The following KDM3B variants were observed in gnomAD, a reference collection of about 807,000 sequenced individuals.
The protein encoded by KDM3B is lysine demethylase 3B, also known as lysine-specific demethylase 3B.
A neutral mutation model predicts 170.0 loss-of-function variants in KDM3B; 10 were observed. That is an observed-to-expected ratio of 0.06 (90% CI 0.04 to 0.10). The LOEUF (loss-of-function observed/expected upper bound fraction) is 0.10, where lower values mean the gene tolerates loss of function less well. Among genes scored for constraint, KDM3B ranks in the 10% least tolerant of loss-of-function variants. KDM3B has a pLI of 1.00. For synonymous variants in KDM3B, 831 were observed against 834.8 expected (o/e 1.00, Z 0.08); for missense variants, 1,394 against 2,195.2 (o/e 0.64, Z 7.29).
intron 14 of KDM3B, 42 bp from the exon 15 acceptor site, chr5:138,420,664 T>C: frequency 1.2e-6 from 2 of 1,607,304 alleles, no homozygotes; most frequent in South Asian, 2.2e-5. Context: ...TGCTGATTAT[T>C]CCTTTTTGTA....
chr5:138,382,883 G>A (rs192832799), intron 6 of KDM3B, among the ~76,000 whole-genome samples: 7 of 152,206 alleles, frequency 4.6e-5, no homozygotes, highest in Admixed American at 2.0e-4. Context: ...TACTTTGATC[G>A]TGTATTGGTC....
At chr5:138,409,385 C>T (rs1580932430) in intron 11 of KDM3B, among the ~76,000 whole-genome samples, 2 of 152,134 alleles carry the variant, frequency 1.3e-5, no homozygotes, top group African/African-American at 4.8e-5. Context: ...AATTATTTTT[C>T]TGTATGATAG....
chr5:138,429,069 C>T (rs1346549258), intron 20 of KDM3B, among the ~76,000 whole-genome samples: 2 of 150,986 alleles, frequency 1.3e-5, no homozygotes, highest in East Asian at 1.9e-4. Context: ...GGCAAGGCCA[C>T]TGTGCCTCAC....
In KDM3B at chr5:138,424,116, C is replaced by T. The variant is rs1763337358; in HGVS notation, c.4014C>T (p.His1338=). ...SKASLPNFLD[H]IIASVVENKK... ...CCAGCCTACCCAACTTTCTTGACCA[C>T]ATCATTGCCTCAGTGGTAGAAAATA... is the stretch of plus-strand genomic sequence containing the variant. The change falls in exon 16 of 24, where the codon CAC becomes CAT. Residue 1338 remains histidine (H), a synonymous_variant. Coordinates refer to ENST00000314358, the MANE Select transcript of KDM3B (RefSeq NM_016604.4). 4 of 1,604,470 alleles carry T rather than the reference C, an allele frequency of 2.5e-6. No homozygotes were observed. Among genetic ancestry groups the T allele is most frequent in the Non-Finnish European group, 3.4e-6 (4 of 1,173,934 alleles).
At chr5:138,356,271 A>G (rs1242077556) in intron 1 of KDM3B, among the ~76,000 whole-genome samples, 1 of 152,174 alleles carries the variant, frequency 6.6e-6, no homozygotes, top group Admixed American at 6.5e-5. Flanking sequence ...GTTAAGAAGT[A>G]TATGTATTTT....
intron 19 of KDM3B, 84 bp downstream of exon 19, chr5:138,427,403 G>T (rs1484229866): frequency 6.8e-7 from 1 of 1,465,900 alleles, no homozygotes; most frequent in Admixed American, 2.0e-5. Flanking sequence ...GTCAATGTCA[G>T]GTATAGAGAT....
At chr5:138,404,076 AAGCAG>A (rs1287866377) in intron 11 of KDM3B, among the ~76,000 whole-genome samples, 1 of 152,184 alleles carries the variant, frequency 6.6e-6, no homozygotes, top group Non-Finnish European at 1.5e-5. Context: ...ATCTAAAACA[AAGCAG>A]AGAAAAATGA....
intron 22 of KDM3B, 90 bp from the exon 23 acceptor site, chr5:138,431,335 A>G: frequency 9.2e-7 from 1 of 1,085,638 alleles, no homozygotes; most frequent in Non-Finnish European, 1.3e-6. Flanking sequence ...CTATTTCTCA[A>G]GGGTTTTTTT....
chr5:138,434,017 G>T (rs1371442126), intron 23 of KDM3B, among the ~76,000 whole-genome samples: 1 of 152,142 alleles, frequency 6.6e-6, no homozygotes, highest in Non-Finnish European at 1.5e-5. Context: ...TGAGATTACA[G>T]GCGTGAGTCA....
At position 138,381,500 on chromosome 5, in the gene KDM3B, T is replaced by TC. The variant is rs1762123659; in HGVS notation, c.706-12dup. ...ATGGACAAGGCATTAAATATCTTTT[T>TC]CCCCTCCTACTGTAGAGTGGTGAGA... is the stretch of plus-strand genomic sequence containing the variant. On this transcript the variant is annotated splice_polypyrimidine_tract_variant and intron_variant, in intron 5 of 23. Coordinates refer to ENST00000314358, the MANE Select transcript of KDM3B (RefSeq NM_016604.4). 3 of 1,475,644 alleles carry TC rather than the reference T, an allele frequency of 2.0e-6. No individual in the cohort carries two copies. Among genetic ancestry groups the TC allele is most frequent in the Non-Finnish European group, 2.8e-6 (3 of 1,053,588 alleles). 91.4% of individuals were successfully genotyped at this position (1,475,644 alleles called of 1,614,324 possible).
chr5:138,407,838 A>G (rs1483300871), intron 11 of KDM3B, among the ~76,000 whole-genome samples: 1 of 152,164 alleles, frequency 6.6e-6, no homozygotes, highest in East Asian at 1.9e-4. Flanking sequence ...GTCCTCGTCC[A>G]ACAGCCCCTA....
chr5:138,353,439 G>A (rs1761379350), intron 1 of KDM3B, among the ~76,000 whole-genome samples: 1 of 152,224 alleles, frequency 6.6e-6, no homozygotes, highest in East Asian at 1.9e-4. Context: ...AGTGGGGCGG[G>A]AATGTGGGCA....
In KDM3B at chr5:138,352,825, C is replaced by T; in HGVS notation, c.30C>T (p.Gly10=). 1 of 1,340,668 alleles carries T rather than the reference C, an allele frequency of 7.5e-7. No homozygotes were observed. The highest frequency in any genetic ancestry group is 9.6e-7 in the Non-Finnish European group (1 of 1,043,144). The allele number at this position is 1,340,668 out of a possible 1,614,324, so 83.0% of individuals were successfully genotyped here. MADAAASPV[G]KRLLLLFADT... is the part of the protein sequence containing the mutation. ...CGGACGCGGCGGCCTCCCCGGTGGG[C>T]AAGCGGCTGCTGCTGCTGTTCGCGG... The change falls in exon 1 of 24, where the codon GGC becomes GGT. Residue 10 remains glycine (G), a synonymous_variant. Transcript: ENST00000314358.
chr5:138,364,490 C>T (rs575731469), intron 1 of KDM3B, among the ~76,000 whole-genome samples: 4 of 151,752 alleles, frequency 2.6e-5, no homozygotes, highest in Admixed American at 2.6e-4. Context: ...GTGAATAAAA[C>T]CTTTTCAGTG....
In KDM3B at chr5:138,400,250, T is replaced by A. The variant is rs548482040; in HGVS notation, c.3199+238T>A. ...TGGTTTTTTTTTTGTTTTTGTTTTT[T>A]TTAAGGCAGATTCTCGCTCTGTTGC... On this transcript the variant is annotated intron_variant, in intron 11 of 23. Transcript: ENST00000314358. Among the ~76,000 whole-genome samples the A allele has an allele frequency of 3.9e-4, 59 of 152,228 alleles. No individual in the cohort carries two copies. The South Asian group carries it at 0.012, about 31-fold the overall frequency.
intron 17 of KDM3B, 61 bp from the exon 18 acceptor site, chr5:138,426,914 G>A (rs1315628526): frequency 8.8e-7 from 1 of 1,130,822 alleles, no homozygotes; most frequent in Admixed American, 1.7e-5. Context: ...AAAAGTTACT[G>A]TTGAAAATCG....
chr5:138,386,851 A>G (rs1001313092), intron 7 of KDM3B, among the ~76,000 whole-genome samples: 4 of 152,218 alleles, frequency 2.6e-5, no homozygotes, highest in African/African-American at 9.6e-5. Context: ...AAAACTGATG[A>G]TACAACCTAA....
rs141171612 is a variant in KDM3B at position 138,391,126 on chromosome 5, A to C, written c.1494A>C (p.Thr498=). The part of the protein sequence containing the change: ...GRSQSNGVLA[T]ENKPLGFSFG... ...GCCAGTCCAATGGTGTTCTAGCCAC[A>C]GAGAACAAACCTTTGGGCTTCTCTT... The change falls in exon 8 of 24, where the codon ACA becomes ACC. Residue 498 remains threonine, a synonymous_variant. Coordinates refer to ENST00000314358, the MANE Select transcript of KDM3B (RefSeq NM_016604.4). The surrounding 1 kb of genome is among the most constrained non-coding windows in gnomAD (Gnocchi z 5.0). 1.5e-4 allele frequency: 238 copies of C among 1,614,208 alleles called. 1 individual carries two copies. In the Middle Eastern group the frequency reaches 1.5e-3, roughly 10 times the overall value.
At chr5:138,370,123 A>T (rs1290217109) in intron 1 of KDM3B, among the ~76,000 whole-genome samples, 1 of 152,162 alleles carries the variant, frequency 6.6e-6, no homozygotes, top group African/African-American at 2.4e-5. Context: ...CCCCTACAAC[A>T]TGTATGTATG....
Sources: allele counts gnomAD v4.1 joint callset (sites outside exome capture counted in the v4.1 genomes callset), GRCh38; gene constraint gnomAD v4.1.1; non-coding constraint Gnocchi (gnomAD v3.1); transcripts MANE v1.5; gene names NCBI Gene and HGNC (gene_info 2026-07-23, HGNC 2026-07-21).